RFX2: variants seen among roughly 807,000 people sequenced by gnomAD.
RFX2 encodes DNA-binding protein RFX2.
RFX2 carries 20 observed loss-of-function variants against 87.8 expected under a neutral mutation model. That is an observed-to-expected ratio of 0.23 (90% CI 0.16 to 0.33). The LOEUF is 0.33. RFX2 is among the 10% of genes least tolerant of loss of function. The pLI, the probability that RFX2 is intolerant of heterozygous loss-of-function variation, is 1.00. For missense variants in RFX2, 767 were observed against 1,012.3 expected, an observed-to-expected ratio of 0.76 and a Z score of 3.29; for synonymous variants, 397 against 431.3, an observed-to-expected ratio of 0.92 and a Z score of 0.98.
chr19:6,061,030 C>T lies in RFX2; in HGVS notation c.-8-13526G>A, dbSNP rs895991692. On this transcript the variant is annotated intron_variant, in intron 1 of 17. Transcript: ENST00000303657. This position sits in a 1 kb window ranked among gnomAD's most constrained non-coding sequence, Gnocchi z 5.2. ...AATTGCTCCTCTTGCGTTTCCTAAGCCAGGGGGCTGTTCAAGGCACTGGGC... is the reference window on the plus strand; with the variant it reads ...AATTGCTCCTCTTGCGTTTCCTAAGTCAGGGGGCTGTTCAAGGCACTGGGC... Among the ~76,000 whole-genome samples, 7 of 152,184 alleles carry T rather than the reference C, an allele frequency of 4.6e-5. No homozygotes were observed. Among genetic ancestry groups the T allele is most frequent in the Admixed American group, 3.9e-4 (6 of 15,286 alleles).
chr19:6,061,982 C>T lies in RFX2; in HGVS notation c.-8-14478G>A, dbSNP rs2144810926. ...CATAGCGAGGCCCCATCTCTACAAA[C>T]AAACAAACAAACAACAACAACAACA... On this transcript the variant is annotated intron_variant, in intron 1 of 17. Transcript: ENST00000303657. This position sits in a 1 kb window ranked among gnomAD's most constrained non-coding sequence, Gnocchi z 5.2. Among the ~76,000 whole-genome samples the T allele has an allele frequency of 6.6e-6, 1 of 152,086 alleles. No homozygotes were observed. Among genetic ancestry groups the T allele is most frequent in the Admixed American group, 6.6e-5 (1 of 15,256 alleles).
chr19:6,074,157 C>A lies in RFX2; in HGVS notation c.-8-26653G>T, dbSNP rs938858368. On this transcript the variant is annotated intron_variant, in intron 1 of 17. Coordinates refer to ENST00000303657, the MANE Select transcript of RFX2 (RefSeq NM_000635.4). This position sits in a 1 kb window ranked among gnomAD's most constrained non-coding sequence, Gnocchi z 5.2. ...TGAAGGGCAGCTCTGCCCAAAGCGG[C>A]GGACCAGGTGGGCAAACAGAGAGCC... Among the ~76,000 whole-genome samples, 1 of 152,108 alleles carries A rather than the reference C, an allele frequency of 6.6e-6. No homozygotes were observed. Among genetic ancestry groups the A allele is most frequent in the African/African-American group, 2.4e-5 (1 of 41,400 alleles).
intron 1 of RFX2, among the ~76,000 whole-genome samples, chr19:6,088,211 CTTTTTTTTTTTT>C (rs1030226963): frequency 2.4e-5 from 2 of 84,410 alleles, no homozygotes; most frequent in Non-Finnish European, 4.5e-5. Flanking sequence ...GGCACTACAG[CTTTTTTTTTTTT>C]TTTTTTTTTT....
chr19:6,033,634 A>AAC (rs1168792738), intron 5 of RFX2, among the ~76,000 whole-genome samples: 4 of 151,680 alleles, frequency 2.6e-5, no homozygotes, highest in Non-Finnish European at 2.9e-5. Context: ...AAAAAAAAAA[A>AAC]AACCCTATAA....
rs1473177494 is a variant in RFX2 at position 6,021,218 on chromosome 19, C to G, written c.597+4945G>C. Among the ~76,000 whole-genome samples the G allele has an allele frequency of 1.3e-5, 2 of 152,360 alleles. No homozygotes were observed. The highest frequency in any genetic ancestry group is 3.9e-4 in the East Asian group (2 of 5,184). The stretch of plus-strand genomic sequence containing the variant: ...ACCGTCCAGGTGTGCCCTGTGTTGA[C>G]ATAATCCGACTTGGAACATCCACCT... On this transcript the variant is annotated intron_variant, in intron 6 of 17. Coordinates refer to ENST00000303657, the MANE Select transcript of RFX2 (RefSeq NM_000635.4). The surrounding 1 kb of genome is among the most constrained non-coding windows in gnomAD (Gnocchi z 5.7).
rs918772937 is a variant in RFX2, at chr19:6,074,387, C to T, written c.-8-26883G>A. The stretch of plus-strand genomic sequence containing the variant: ...TTTCCACCTTCCTCTTAGCACCCGG[C>T]CTGTGCCGGTGCATCTCCTCACCCC... On this transcript the variant is annotated intron_variant, in intron 1 of 17. Coordinates refer to ENST00000303657, the MANE Select transcript of RFX2 (RefSeq NM_000635.4). The surrounding 1 kb of genome is among the most constrained non-coding windows in gnomAD (Gnocchi z 5.2). Among the ~76,000 whole-genome samples, 6 of 152,208 alleles carry T rather than the reference C, an allele frequency of 3.9e-5. No homozygotes were observed. Among genetic ancestry groups the T allele is most frequent in the African/African-American group, 1.4e-4 (6 of 41,462 alleles).
Position 6,007,069 on chromosome 19 carries a change from T to C in RFX2, c.1345A>G (p.Ile449Val), listed in dbSNP as rs768589208. 3.6e-5 allele frequency: 58 copies of C among 1,614,030 alleles called. 2 individuals carry two copies. In the South Asian group the frequency reaches 5.2e-4, roughly 14 times the overall value. ...ILRWMRSCDH[I>V]LYQALVEILI... ...ATCTCCACCAGCGCCTGGTAGAGGA[T>C]GTGGTCGCAGCTCCTCATCCACCTG... The change falls in exon 12 of 18, where the codon ATC (isoleucine) becomes GTC (valine). Residue 449 changes from isoleucine to valine, a missense_variant. This residue lies in a region of RFX2 where 621 missense variants were observed against 873.0 expected (regional missense o/e 0.71). Coordinates refer to ENST00000303657, the MANE Select transcript of RFX2 (RefSeq NM_000635.4). This position sits in a 1 kb window ranked among gnomAD's most constrained non-coding sequence, Gnocchi z 8.2.
chr19:5,996,412 C>T (rs1021446943), intron 16 of RFX2, among the ~76,000 whole-genome samples: 5 of 105,046 alleles, frequency 4.8e-5, no homozygotes, highest in African/African-American at 1.1e-4. Context: ...TGACCCGGGC[C>T]GCAGCGCGGA....
rs779450484 is a variant in RFX2, at chr19:6,042,053, T to C, written c.251A>G (p.Asn84Ser). The C allele has an allele frequency of 1.1e-5, 18 of 1,613,740 alleles. No individual in the cohort carries two copies. The highest frequency in any genetic ancestry group is 7.7e-5 in the South Asian group (7 of 91,094). The change falls in exon 4 of 18, where the codon AAT becomes AGT. Residue 84 changes from asparagine to serine, a missense_variant. By Grantham distance (46) the Asn-to-Ser change is conservative (BLOSUM62 1). Coordinates refer to ENST00000303657, the MANE Select transcript of RFX2 (RefSeq NM_000635.4). ...CGGGAGAAGCACGCACATGGCTCCA[T>C]TGGTGTAGACGGCGTCTCCCCCTTC... ...YVEGGDAVYT[N>S]GAIRTAYTYN...
At chr19:6,003,668 A>C (rs3795016) in intron 13 of RFX2, among the ~76,000 whole-genome samples, 57,327 of 149,742 alleles carry the variant, frequency 0.38, 13,654 homozygotes, top group African/African-American at 0.68. Context: ...AATCCCAGCT[A>C]TTCGGGAGGC....
chr19:6,076,455 T>G (rs1231988714), intron 1 of RFX2, among the ~76,000 whole-genome samples: 1 of 152,142 alleles, frequency 6.6e-6, no homozygotes, highest in African/African-American at 2.4e-5. Context: ...GGTGCCTGGG[T>G]CCGGTGCCTG....
intron 13 of RFX2, among the ~76,000 whole-genome samples, chr19:6,003,193 T>C (rs1321095353): frequency 1.3e-5 from 2 of 152,092 alleles, no homozygotes; most frequent in Non-Finnish European, 2.9e-5. Context: ...GACTCCTGAG[T>C]GCTACAGGAT....
At chr19:6,094,535 G>C (rs1024846356) in intron 1 of RFX2, among the ~76,000 whole-genome samples, 2 of 152,154 alleles carry the variant, frequency 1.3e-5, no homozygotes, top group Non-Finnish European at 2.9e-5. Flanking sequence ...CCAGTAAGTA[G>C]CCAATATAGT....
chr19:6,049,458 A>G (rs2087240298), intron 1 of RFX2, among the ~76,000 whole-genome samples: 1 of 152,260 alleles, frequency 6.6e-6, no homozygotes, highest in Non-Finnish European at 1.5e-5. Flanking sequence ...CACCATGGCC[A>G]GAATGCACCT....
chr19:6,096,481 C>T (rs912811654), intron 1 of RFX2, among the ~76,000 whole-genome samples: 37 of 152,220 alleles, frequency 2.4e-4, no homozygotes, highest in Middle Eastern at 3.4e-3. Flanking sequence ...GAGTCTTGCT[C>T]TGTCTCCCAG....
At position 6,061,066 on chromosome 19, in the gene RFX2, G is replaced by T. The variant is rs571305376; in HGVS notation, c.-8-13562C>A. ...TTCAAGGCACTGGGCATCTCCCTGC[G>T]CCCCGGGACACGTGTCGCTGGTGAC... On this transcript the variant is annotated intron_variant, in intron 1 of 17. Coordinates refer to ENST00000303657, the MANE Select transcript of RFX2 (RefSeq NM_000635.4). The surrounding 1 kb of genome is among the most constrained non-coding windows in gnomAD (Gnocchi z 5.2). 6.6e-5 allele frequency among the ~76,000 whole-genome samples: 10 copies of T among 152,032 alleles called. No individual in the cohort carries two copies. The highest frequency in any genetic ancestry group is 1.5e-4 in the Non-Finnish European group (10 of 67,974).
intron 9 of RFX2, 66 bp from the exon 10 acceptor site, chr19:6,008,290 G>T: frequency 1.0e-6 from 1 of 968,424 alleles, no homozygotes; most frequent in Non-Finnish European, 1.5e-6. Flanking sequence ...CAACTGGAAG[G>T]CCACGGTGGA....
At position 6,026,343 on chromosome 19, in the gene RFX2, A is replaced by G; in HGVS notation, c.523-106T>C. The G allele has an allele frequency of 3.2e-6, 3 of 923,232 alleles. No individual in the cohort carries two copies. The highest frequency in any genetic ancestry group is 5.1e-6 in the Non-Finnish European group (3 of 590,424). The allele number at this position is 923,232 out of a possible 1,614,324, so 57.2% of individuals were successfully genotyped here. A position where few individuals can be genotyped will look rare whatever the true frequency, so the allele number is the denominator to read the frequency against. ...GATTTGTTTTTATTAATATCCAAAT[A>G]ATGATTCGAGCTCCTACAAAATAAA... On this transcript the variant is annotated intron_variant, in intron 5 of 17. Coordinates refer to ENST00000303657, the MANE Select transcript of RFX2 (RefSeq NM_000635.4). The surrounding 1 kb of genome is among the most constrained non-coding windows in gnomAD (Gnocchi z 4.5).
At chr19:6,099,182 A>G (rs1434030540) in intron 1 of RFX2, among the ~76,000 whole-genome samples, 1 of 152,144 alleles carries the variant, frequency 6.6e-6, no homozygotes, top group Admixed American at 6.5e-5. Flanking sequence ...TTCCAAAGCA[A>G]AACAAGAGAC....
Sources: allele counts gnomAD v4.1 joint callset (sites outside exome capture counted in the v4.1 genomes callset), GRCh38; gene constraint gnomAD v4.1.1; regional missense constraint gnomAD v4.1.1; non-coding constraint Gnocchi (gnomAD v3.1); transcripts MANE v1.5; gene names NCBI Gene and HGNC (gene_info 2026-07-23, HGNC 2026-07-21).